Variants in FAM227A observed in about 807,000 individuals in gnomAD.
FAM227A encodes protein FAM227A.
FAM227A carries 80 observed loss-of-function variants against 74.7 expected under a neutral mutation model. The observed-to-expected ratio is 1.07, with a 90% CI of 0.89 to 1.29. FAM227A has a LOEUF of 1.29. Among genes scored for constraint, FAM227A ranks in the 50% most tolerant of loss-of-function variants. The pLI is 0.00. For synonymous variants in FAM227A, 237 were observed against 241.8 expected, an observed-to-expected ratio of 0.98 and a Z score of 0.19; for missense variants, 654 against 683.4, an observed-to-expected ratio of 0.96 and a Z score of 0.48.
intron 14 of FAM227A, among the ~76,000 whole-genome samples, chr22:38,598,778 G>C (rs1293027391): frequency 1.3e-5 from 2 of 152,032 alleles, no homozygotes; most frequent in African/African-American, 4.8e-5. Flanking sequence ...AAAAAATGAG[G>C]CACAGAGAGA....
At chr22:38,593,308 T>G in intron 15 of FAM227A, among the ~76,000 whole-genome samples, 1 of 152,134 alleles carries the variant, frequency 6.6e-6, no homozygotes, top group East Asian at 1.9e-4. Flanking sequence ...ATCAAGACCA[T>G]CCTGGCTAAC....
chr22:38,597,122 C>T, intron 15 of FAM227A, 82 bp downstream of exon 15: 1 of 1,384,490 alleles, frequency 7.2e-7, no homozygotes, highest in East Asian at 2.5e-5. Context: ...CCTGCCCCAC[C>T]AACCCATTTA....
intron 8 of FAM227A, among the ~76,000 whole-genome samples, chr22:38,627,593 A>G (rs1219254659): frequency 6.6e-6 from 1 of 151,134 alleles, no homozygotes; most frequent in Non-Finnish European, 1.5e-5. Flanking sequence ...ATGGAAAGGG[A>G]AAGTTTTTTT....
chr22:38,613,296 CATATATA>C lies in FAM227A; in HGVS notation c.1039-5827_1039-5821del, dbSNP rs1435193062. Among the ~76,000 whole-genome samples the C allele has an allele frequency of 3.4e-3, 196 of 56,926 alleles. 3 individuals carry two copies. The highest frequency in any genetic ancestry group is 0.012 in the African/African-American group (164 of 13,830). The allele number at this position is 56,926 out of a possible 152,430, so 37.3% of individuals were successfully genotyped here. A position where few individuals can be genotyped will look rare whatever the true frequency, so the allele number is the denominator to read the frequency against. ...ATTATATATCATATATAATATATAT[CATATATA>C]ATATATAACATATAATATATATCAT... On this transcript the variant is annotated intron_variant, in intron 11 of 16. Coordinates refer to ENST00000535113, the MANE Select transcript of FAM227A (RefSeq NM_001013647.2).
intron 2 of FAM227A, among the ~76,000 whole-genome samples, chr22:38,646,625 C>G (rs1188337374): frequency 1.3e-5 from 2 of 151,734 alleles, no homozygotes; most frequent in African/African-American, 4.8e-5. Flanking sequence ...TGTTTTACTA[C>G]TCTGATTTCT....
intron 3 of FAM227A, among the ~76,000 whole-genome samples, chr22:38,645,248 G>T (rs2092211485): frequency 6.6e-6 from 1 of 151,770 alleles, no homozygotes; most frequent in Admixed American, 6.6e-5. Flanking sequence ...AAAATTAGCT[G>T]GGCATGGTGG....
intron 9 of FAM227A, among the ~76,000 whole-genome samples, chr22:38,625,089 G>A (rs902197320): frequency 2.6e-5 from 4 of 152,004 alleles, no homozygotes; most frequent in African/African-American, 7.3e-5. Flanking sequence ...ACTAGGAGGC[G>A]GTTGAAAAAG....
intron 3 of FAM227A, among the ~76,000 whole-genome samples, chr22:38,640,296 G>C (rs554181570): frequency 2.0e-5 from 3 of 152,246 alleles, no homozygotes; most frequent in African/African-American, 7.2e-5. Context: ...GCCTCCCAAA[G>C]TGCTGGGATT....
At chr22:38,639,271 C>T (rs548370016) in intron 4 of FAM227A, among the ~76,000 whole-genome samples, 27 of 151,814 alleles carry the variant, frequency 1.8e-4, no homozygotes, top group African/African-American at 6.0e-4. Flanking sequence ...TAGCCAGGCA[C>T]GGTGGCGAGC....
intron 15 of FAM227A, among the ~76,000 whole-genome samples, chr22:38,593,880 C>T (rs1278119072): frequency 7.9e-5 from 12 of 152,136 alleles, no homozygotes; most frequent in Non-Finnish European, 1.3e-4. Flanking sequence ...TTAGTAGAGA[C>T]GGGGTTTCAC....
chr22:38,655,157 A>C (rs574753778), intron 1 of FAM227A, among the ~76,000 whole-genome samples: 1 of 151,878 alleles, frequency 6.6e-6, no homozygotes, highest in Non-Finnish European at 1.5e-5. Flanking sequence ...AAAAAAAGTA[A>C]AATTTTTTTA....
At position 38,626,865 on chromosome 22, in the gene FAM227A, C is replaced by CAAAA. The variant is rs67498232; in HGVS notation, c.727-566_727-563dup. Among the ~76,000 whole-genome samples, 142 of 16,794 alleles carry CAAAA rather than the reference C, an allele frequency of 8.5e-3. 30 individuals are homozygous for CAAAA. The highest frequency in any genetic ancestry group is 0.045 in the Middle Eastern group (1 of 22). The allele number at this position is 16,794 out of a possible 152,430, so 11.0% of individuals were successfully genotyped here. ...CCTGGGCGACAGAGAGACTCTGTCT[C>CAAAA]AAAAAAAAAAAAAAAAAAAAAAAAA... On this transcript the variant is annotated intron_variant, in intron 8 of 16. Coordinates refer to ENST00000535113, the MANE Select transcript of FAM227A (RefSeq NM_001013647.2).
At chr22:38,599,004 T>G (rs963642212) in intron 14 of FAM227A, among the ~76,000 whole-genome samples, 1 of 151,172 alleles carries the variant, frequency 6.6e-6, no homozygotes, top group African/African-American at 2.4e-5. Flanking sequence ...CTGCCCAGGC[T>G]GCAGTGCAAT....
intron 11 of FAM227A, among the ~76,000 whole-genome samples, chr22:38,613,815 A>G (rs1254058440): frequency 6.6e-6 from 1 of 152,118 alleles, no homozygotes; most frequent in African/African-American, 2.4e-5. Flanking sequence ...TTCTCTAGGT[A>G]CCTATTTTAC....
intron 10 of FAM227A, among the ~76,000 whole-genome samples, chr22:38,622,364 C>G (rs2091708675): frequency 6.6e-6 from 1 of 152,212 alleles, no homozygotes; most frequent in Admixed American, 6.5e-5. Flanking sequence ...GCAGAAGCCC[C>G]ATTTCTGGGG....
Position 38,607,409 on chromosome 22 carries a change from C to T in FAM227A, c.1106G>A (p.Arg369Gln), listed in dbSNP as rs73157156. 9,167 of 1,551,072 alleles carry T rather than the reference C, an allele frequency of 5.9e-3. 46 individuals carry two copies. The highest frequency in any genetic ancestry group is 7.0e-3 in the Non-Finnish European group (8,033 of 1,146,620). ...TATACCTTTTGCAGTATTCTGCATT[C>T]GTAAGCTTTTTTCTGAGTTCTGCTT... ...SAKQNSEKSL[R>Q]MQNTAKEHHC... Residue 369 changes from arginine (R) to glutamine (Q), a missense_variant, in exon 12 of 17, where the codon CGA becomes CAA. Physicochemically the swap from Arg to Gln is conservative, Grantham distance 43. Coordinates refer to ENST00000535113, the MANE Select transcript of FAM227A (RefSeq NM_001013647.2).
rs548883285 is a variant in FAM227A, at chr22:38,602,399, C to A, written c.1222-2478G>T. On this transcript the variant is annotated intron_variant, in intron 13 of 16. Coordinates refer to ENST00000535113, the MANE Select transcript of FAM227A (RefSeq NM_001013647.2). ...CAGTTGAGAACCACTATTCTAACAG[C>A]AAGATACCACTGGAATCACAGAAAC... Among the ~76,000 whole-genome samples the A allele has an allele frequency of 9.9e-5, 15 of 152,268 alleles. No homozygotes were observed. The South Asian group carries it at 2.9e-3, about 29-fold the overall frequency.
intron 10 of FAM227A, among the ~76,000 whole-genome samples, chr22:38,622,570 C>T (rs1176195229): frequency 6.6e-6 from 1 of 152,004 alleles, no homozygotes; most frequent in Non-Finnish European, 1.5e-5. Context: ...AGCAGGTTGT[C>T]GTGAGGATTA....
In FAM227A at chr22:38,582,911, CGGGGTCCTGGAGGAAGAGCAGG is replaced by C; in HGVS notation, c.*3192_*3213del. The C allele has an allele frequency of 6.4e-7, 1 of 1,550,412 alleles. No individual in the cohort carries two copies. Among genetic ancestry groups the C allele is most frequent in the South Asian group, 1.2e-5 (1 of 84,048 alleles). On this transcript the variant is annotated 3_prime_UTR_variant, in exon 17 of 17. Transcript: ENST00000535113. ...GCTCCCAAGATGAGGGACGTCTAAGCGGGGTCCTGGAGGAAGAGCAGGAATTAGTGATGTTGGCAGTTAACAA... is the reference window on the plus strand; with the variant it reads ...GCTCCCAAGATGAGGGACGTCTAAGCAATTAGTGATGTTGGCAGTTAACAA...
Sources: gnomAD v4.1 joint callset for allele counts (sites outside exome capture counted in the v4.1 genomes callset) on GRCh38, gnomAD v4.1.1 for gene constraint, MANE v1.5 for transcripts, NCBI Gene and HGNC (gene_info 2026-07-23, HGNC 2026-07-21) for gene names.